The following GORASP2 variants were observed in gnomAD, a reference collection of about 807,000 sequenced individuals.
GORASP2 encodes the protein Golgi reassembly-stacking protein 2.
GORASP2 carries 22 observed loss-of-function variants against 45.7 expected under a neutral mutation model. The observed-to-expected ratio is 0.48, with a 90% CI of 0.34 to 0.69. The LOEUF (loss-of-function observed/expected upper bound fraction) is 0.69, where lower values mean the gene tolerates loss of function less well. Ranked by LOEUF, GORASP2 falls within the 30% of genes least tolerant of loss-of-function variation. GORASP2 has a pLI of 0.01. For missense variants in GORASP2, 491 were observed against 562.7 expected, an observed-to-expected ratio of 0.87 and a Z score of 1.29; for synonymous variants, 221 against 215.6, an observed-to-expected ratio of 1.02 and a Z score of -0.22.
At chr2:170,938,382 C>G (rs1379951784) in intron 1 of GORASP2, among the ~76,000 whole-genome samples, 1 of 152,196 alleles carries the variant, frequency 6.6e-6, no homozygotes, top group East Asian at 1.9e-4. Flanking sequence ...CTGTTTAAAA[C>G]GTAAGTTTGA....
intron 1 of GORASP2, among the ~76,000 whole-genome samples, chr2:170,931,771 G>A (rs1056315249): frequency 3.9e-5 from 6 of 152,162 alleles, no homozygotes; most frequent in African/African-American, 1.4e-4. Flanking sequence ...GGATTCAGAA[G>A]TTCTGCTATG....
intron 1 of GORASP2, among the ~76,000 whole-genome samples, chr2:170,935,188 C>A (rs1703919211): frequency 6.6e-6 from 1 of 152,178 alleles, no homozygotes; most frequent in African/African-American, 2.4e-5. Flanking sequence ...GGAATTATAT[C>A]ATTGAACATA....
intron 2 of GORASP2, 80 bp downstream of exon 2, chr2:170,948,510 GTATTTATTAGTTACAATCAT>G: frequency 1.4e-6 from 1 of 717,908 alleles, no homozygotes; most frequent in Admixed American, 2.6e-5. Context: ...CCTGAGATGG[GTATTTATTAGTTACAATCAT>G]TATGTGTAGT....
chr2:170,939,754 T>A (rs936000016), intron 1 of GORASP2, among the ~76,000 whole-genome samples: 6 of 152,190 alleles, frequency 3.9e-5, no homozygotes, highest in Non-Finnish European at 7.4e-5. Flanking sequence ...CAGGGACTAC[T>A]ATAGCTCCCT....
chr2:170,963,121 C>G (rs1460631344), intron 9 of GORASP2, among the ~76,000 whole-genome samples, 175 bp downstream of exon 9: 1 of 152,024 alleles, frequency 6.6e-6, no homozygotes, highest in Non-Finnish European at 1.5e-5. Context: ...GCCTGTAATC[C>G]CAGCACTTTG....
At chr2:170,938,042 T>C (rs1703995927) in intron 1 of GORASP2, among the ~76,000 whole-genome samples, 1 of 152,188 alleles carries the variant, frequency 6.6e-6, no homozygotes, top group Non-Finnish European at 1.5e-5. Context: ...CCTTTTCCAC[T>C]AAAAAACACA....
intron 1 of GORASP2, chr2:170,929,761 G>T (rs539757351): frequency 7.9e-5 from 40 of 504,924 alleles, no homozygotes; most frequent in African/African-American, 7.8e-4. Context: ...TAGGAAGGGC[G>T]CGGAGGCAAC....
intron 1 of GORASP2, among the ~76,000 whole-genome samples, chr2:170,931,441 T>G (rs561632427): frequency 2.0e-5 from 3 of 152,344 alleles, no homozygotes; most frequent in African/African-American, 7.2e-5. Context: ...CAGCGATATA[T>G]TTCATTGTTA....
intron 5 of GORASP2, among the ~76,000 whole-genome samples, chr2:170,953,370 TAAA>T (rs1704346843): frequency 6.6e-6 from 1 of 151,848 alleles, no homozygotes; most frequent in African/African-American, 2.4e-5. Flanking sequence ...AATAAATAAA[TAAA>T]TAAATAAATA....
chr2:170,957,802 G>A (rs953141180), intron 7 of GORASP2, among the ~76,000 whole-genome samples: 2 of 151,976 alleles, frequency 1.3e-5, no homozygotes, highest in African/African-American at 2.4e-5. Flanking sequence ...AACCCTGTAC[G>A]CATTATCAGT....
chr2:170,950,615 C>A, intron 4 of GORASP2, among the ~76,000 whole-genome samples: 1 of 152,078 alleles, frequency 6.6e-6, no homozygotes, highest in South Asian at 2.1e-4. Flanking sequence ...TGTTCAGTGA[C>A]AGCATTAGCT....
rs1164776853 is a variant in GORASP2, at chr2:170,950,252, A to C, written c.397A>C (p.Ser133Arg). ...PAALAGLRPH[S>R]DYIIGADTVM... ...AGCACTGGCAGGTCTTAGACCACAC[A>C]GTGATTATATAATTGGAGCAGATAC... Residue 133 changes from serine to arginine, a missense_variant, in exon 4 of 10, where the codon AGT becomes CGT. Ser to Arg is a moderately radical substitution (Grantham distance 110). This residue lies in a region of GORASP2 where 194 missense variants were observed against 270.4 expected (regional missense o/e 0.72). Transcript: ENST00000234160. 1 of 1,580,662 alleles carries C rather than the reference A, an allele frequency of 6.3e-7. No homozygotes were observed. Among genetic ancestry groups the C allele is most frequent in the Non-Finnish European group, 8.6e-7 (1 of 1,159,140 alleles).
At chr2:170,947,606 G>A (rs1299362031) in intron 1 of GORASP2, among the ~76,000 whole-genome samples, 1 of 152,122 alleles carries the variant, frequency 6.6e-6, no homozygotes, top group African/African-American at 2.4e-5. Context: ...TTCCTCAACA[G>A]ATTATAAATG....
At chr2:170,963,909 T>A (rs1239164241) in intron 9 of GORASP2, among the ~76,000 whole-genome samples, 1 of 152,188 alleles carries the variant, frequency 6.6e-6, no homozygotes, top group African/African-American at 2.4e-5. Flanking sequence ...CCTCCCAGTG[T>A]GCTGGGATTA....
intron 2 of GORASP2, 176 bp downstream of exon 2, chr2:170,948,606 G>T (rs920839493): frequency 2.2e-6 from 1 of 463,786 alleles, no homozygotes; most frequent in East Asian, 3.7e-5. Context: ...TATACCTTAT[G>T]CTCCACTGAT....
At chr2:170,949,943 G>T in intron 3 of GORASP2, 1 of 567,138 alleles carries the variant, frequency 1.8e-6, no homozygotes, top group Non-Finnish European at 3.2e-6. Context: ...ACAAGTTTAA[G>T]AACTTTTTCT....
chr2:170,962,432 G>A (rs938815797), intron 8 of GORASP2, among the ~76,000 whole-genome samples: 6 of 152,194 alleles, frequency 3.9e-5, no homozygotes, highest in South Asian at 4.1e-4. Context: ...TAAGTCTGCA[G>A]TTATTTTTCA....
intron 1 of GORASP2, among the ~76,000 whole-genome samples, chr2:170,946,768 CAA>C (rs10692734): frequency 2.9e-5 from 3 of 105,084 alleles, no homozygotes; most frequent in Admixed American, 1.1e-4. Flanking sequence ...CATGCCTCTA[CAA>C]AAAAAAAAAA....
chr2:170,953,650 G>T (rs1244766640), intron 5 of GORASP2, among the ~76,000 whole-genome samples: 2 of 152,126 alleles, frequency 1.3e-5, no homozygotes, highest in African/African-American at 2.4e-5. Context: ...GGGGTTTTGG[G>T]TTCAAATGGT....
Sources: gnomAD v4.1 joint callset for allele counts (sites outside exome capture counted in the v4.1 genomes callset) on GRCh38, gnomAD v4.1.1 for gene constraint, gnomAD v4.1.1 regional missense constraint, MANE v1.5 for transcripts, NCBI Gene and HGNC (gene_info 2026-07-23, HGNC 2026-07-21) for gene names.